IFIH1: variants seen among roughly 807,000 people sequenced by gnomAD.
IFIH1 encodes the protein interferon induced with helicase C domain 1, also known as interferon-induced helicase C domain-containing protein 1.
IFIH1 carries 125 observed loss-of-function variants against 107.4 expected under a neutral mutation model. The ratio of observed to expected loss-of-function variants is 1.16; its 90% CI spans 1.01 to 1.35. IFIH1 has a LOEUF of 1.35. IFIH1 is among the 40% of genes most tolerant of loss of function. IFIH1 has a pLI of 0.00. For synonymous variants in IFIH1, 458 were observed against 413.2 expected, an observed-to-expected ratio of 1.11 and a Z score of -1.31; for missense variants, 1,333 against 1,213.7, an observed-to-expected ratio of 1.10 and a Z score of -1.46.
chr2:162,274,107 T>A (rs1691103309), intron 11 of IFIH1, among the ~76,000 whole-genome samples, 163 bp from the exon 12 acceptor site: 1 of 152,334 alleles, frequency 6.6e-6, no homozygotes, highest in East Asian at 1.9e-4. Context: ...AAAGACATAA[T>A]GGTGAGACAA....
chr2:162,296,886 G>A (rs895693371), intron 3 of IFIH1, among the ~76,000 whole-genome samples: 7 of 152,032 alleles, frequency 4.6e-5, no homozygotes, highest in Non-Finnish European at 8.8e-5. Flanking sequence ...ATCCTGTAGA[G>A]ATTATTATGA....
rs1241546628 is a variant in IFIH1 at position 162,306,762 on chromosome 2, C to A, written c.716G>T (p.Gly239Val). 6.2e-7 allele frequency: 1 copy of A among 1,613,712 alleles called. No homozygotes were observed. Residue 239 changes from glycine to valine, a missense_variant, in exon 3 of 16, where the codon GGC (glycine) becomes GTC (valine). Transcript: ENST00000649979. ...VQPNLEKEVW[G>V]MENNSSESSF... The stretch of plus-strand genomic sequence containing the variant: ...TGATTCTGATGAGTTATTCTCCATG[C>A]CCCAGACCTCCTTCTCCAGATTTGG...
At chr2:162,317,804 T>C (rs1485202471) in intron 1 of IFIH1, 51 bp downstream of exon 1, 5 of 1,460,324 alleles carry the variant, frequency 3.4e-6, no homozygotes, top group Non-Finnish European at 2.8e-6. Flanking sequence ...CAAGGAAGCC[T>C]GCTTTGCAAA....
chr2:162,280,050 T>C lies in IFIH1; in HGVS notation c.1587A>G (p.Lys529=). The C allele has an allele frequency of 7.4e-6, 12 of 1,611,776 alleles. No individual in the cohort carries two copies. The highest frequency in any genetic ancestry group is 1.0e-5 in the Non-Finnish European group (12 of 1,178,366). Residue 529 remains lysine (K), a synonymous_variant, in exon 8 of 16, where the codon AAA becomes AAG. Transcript: ENST00000649979. Reference sequence around the variant, plus strand: ...TCTTGCATGGCTCCTGTATTTGGTTTTTCAGTTGATCAAGGTTTTCTTTAA... The same window carrying C: ...TCTTGCATGGCTCCTGTATTTGGTTCTTCAGTTGATCAAGGTTTTCTTTAA... ...KTVKENLDQL[K]NQIQEPCKKF...
At position 162,268,260 on chromosome 2, in the gene IFIH1, C is replaced by T. The variant is rs775415743; in HGVS notation, c.2634G>A (p.Met878Ile). The T allele has an allele frequency of 6.2e-7, 1 of 1,606,932 alleles. No individual in the cohort carries two copies. Among genetic ancestry groups the T allele is most frequent in the South Asian group, 1.1e-5 (1 of 90,110 alleles). Residue 878 changes from methionine to isoleucine, a missense_variant, in exon 14 of 16, where the codon ATG becomes ATA. Met to Ile is a conservative substitution (Grantham distance 10). Transcript: ENST00000649979. ...EYAHKILELQ[M>I]QSIMEKKMKT... Reference sequence around the variant, plus strand: ...TCATTTTCTTTTCCATTATACTTTGCATCTGTAATTCCAAAATCTGGACAG... The same window carrying T: ...TCATTTTCTTTTCCATTATACTTTGTATCTGTAATTCCAAAATCTGGACAG...
intron 5 of IFIH1, among the ~76,000 whole-genome samples, chr2:162,287,907 G>C (rs1682925014): frequency 6.6e-6 from 1 of 151,776 alleles, no homozygotes; most frequent in Non-Finnish European, 1.5e-5. Context: ...ATAAGTTATA[G>C]CTATTTGGTA....
At chr2:162,287,077 T>C (rs1682907881) in intron 5 of IFIH1, among the ~76,000 whole-genome samples, 1 of 151,886 alleles carries the variant, frequency 6.6e-6, no homozygotes, top group African/African-American at 2.4e-5. Flanking sequence ...TGTGTCACCA[T>C]TACCAGCAAA....
intron 5 of IFIH1, among the ~76,000 whole-genome samples, chr2:162,286,240 C>T (rs1185949078): frequency 6.6e-6 from 1 of 151,956 alleles, no homozygotes; most frequent in African/African-American, 2.4e-5. Context: ...ATGATGCTGC[C>T]TTGTCTATGT....
intron 1 of IFIH1, among the ~76,000 whole-genome samples, chr2:162,313,359 C>G (rs1376104404): frequency 6.6e-6 from 1 of 152,154 alleles, no homozygotes; most frequent in African/African-American, 2.4e-5. Flanking sequence ...CCATGCCCCT[C>G]CCCCACTCGA....
chr2:162,285,199 C>G (rs542688049), intron 5 of IFIH1, among the ~76,000 whole-genome samples: 1 of 152,080 alleles, frequency 6.6e-6, no homozygotes, highest in East Asian at 1.9e-4. Flanking sequence ...TGCATTGCAG[C>G]ATCTGAAGGA....
At chr2:162,301,162 A>G (rs934035991) in intron 3 of IFIH1, among the ~76,000 whole-genome samples, 1 of 152,180 alleles carries the variant, frequency 6.6e-6, no homozygotes, top group Non-Finnish European at 1.5e-5. Context: ...ATGAGAAAGA[A>G]GGTATTAAAG....
Position 162,317,818 on chromosome 2 carries a change from T to G in IFIH1, c.453+37A>C, listed in dbSNP as rs201916047. Reference sequence around the variant, plus strand: ...ACAAGGAAGCCTGCTTTGCAAAATCTGCCTAAAAGGCTAGCTCCATCTGAA... The same window carrying G: ...ACAAGGAAGCCTGCTTTGCAAAATCGGCCTAAAAGGCTAGCTCCATCTGAA... On this transcript the variant is annotated intron_variant, in intron 1 of 15. Transcript: ENST00000649979. 3.5e-3 allele frequency: 5,332 copies of G among 1,502,222 alleles called. 17 individuals are homozygous for G. The highest frequency in any genetic ancestry group is 6.3e-3 in the Middle Eastern group (35 of 5,594). 93.1% of individuals were successfully genotyped at this position (1,502,222 alleles called of 1,614,324 possible). A position where few individuals can be genotyped will look rare whatever the true frequency, so the allele number is the denominator to read the frequency against.
rs976931648 is a variant in IFIH1 at position 162,268,179 on chromosome 2, G to T, written c.2715C>A (p.Phe905Leu). Reference sequence around the variant, plus strand: ...CTAGCACACTGCAGTTTTTGCAAAGGAAAGTTATTAGTGATGGGTTATTCT... The same window carrying T: ...CTAGCACACTGCAGTTTTTGCAAAGTAAAGTTATTAGTGATGGGTTATTCT... Reference protein sequence around the residue: ...HYKNNPSLITFLCKNCSVLAC... With the variant: ...HYKNNPSLITLLCKNCSVLAC... Residue 905 changes from phenylalanine to leucine, a missense_variant, in exon 14 of 16, where the codon TTC (phenylalanine) becomes TTA (leucine). By Grantham distance (22) the Phe-to-Leu change is conservative. Transcript: ENST00000649979. The T allele has an allele frequency of 6.2e-7, 1 of 1,613,392 alleles. No individual in the cohort carries two copies. Among genetic ancestry groups the T allele is most frequent in the Non-Finnish European group, 8.5e-7 (1 of 1,179,424 alleles).
At chr2:162,286,559 T>A (rs1375654570) in intron 5 of IFIH1, among the ~76,000 whole-genome samples, 1 of 151,636 alleles carries the variant, frequency 6.6e-6, no homozygotes, top group Non-Finnish European at 1.5e-5. Context: ...AACTCCTAGG[T>A]GTGGGGGCTG....
In IFIH1 at chr2:162,288,275, C is replaced by T. The variant is rs1682931906; in HGVS notation, c.955G>A (p.Ala319Thr). The T allele has an allele frequency of 6.2e-7, 1 of 1,612,720 alleles. No homozygotes were observed. The highest frequency in any genetic ancestry group is 8.5e-7 in the Non-Finnish European group (1 of 1,179,266). ...ATGATGATATTCTTCCCTTCCAAGG[C>T]TGGCTGGGCAACTTCCATTTGGTAA... ...RPYQMEVAQP[A>T]LEGKNIIICL... Residue 319 changes from alanine (A) to threonine (T), a missense_variant, in exon 5 of 16, where the codon GCC becomes ACC. Ala to Thr is a moderately conservative substitution (Grantham distance 58). Coordinates refer to ENST00000649979, the MANE Select transcript of IFIH1 (RefSeq NM_022168.4).
intron 4 of IFIH1, among the ~76,000 whole-genome samples, chr2:162,290,147 G>C (rs1682971091): frequency 6.6e-6 from 1 of 151,698 alleles, no homozygotes; most frequent in Non-Finnish European, 1.5e-5. Context: ...TTAAAATATA[G>C]GAATAAATCC....
intron 4 of IFIH1, among the ~76,000 whole-genome samples, chr2:162,291,497 GA>G (rs11330317): frequency 0.13 from 19,158 of 143,756 alleles, 2,797 homozygotes; most frequent in African/African-American, 0.33. Context: ...ATGGGAAACA[GA>G]AAAAAAAAAG....
chr2:162,300,829 G>T (rs746397680), intron 3 of IFIH1, among the ~76,000 whole-genome samples: 8 of 151,990 alleles, frequency 5.3e-5, no homozygotes, highest in Non-Finnish European at 7.4e-5. Context: ...TATTTCTAGA[G>T]ATTCTAAAAA....
rs779518601 is a variant in IFIH1, at chr2:162,288,956, C to CACAG, written c.875-602_875-601insCTGT. ...ACACACACACACACACACACACACA[C>CACAG]AGACACCCTATCTATCTCAAGTTCC... On this transcript the variant is annotated intron_variant, in intron 4 of 15. Coordinates refer to ENST00000649979, the MANE Select transcript of IFIH1 (RefSeq NM_022168.4). Among the ~76,000 whole-genome samples the CACAG allele has an allele frequency of 9.9e-3, 1,486 of 150,074 alleles. 70 individuals are homozygous for CACAG. Among genetic ancestry groups the CACAG allele is most frequent in the Admixed American group, 0.073 (1,084 of 14,934 alleles).
Sources: gnomAD v4.1 joint callset for allele counts (sites outside exome capture counted in the v4.1 genomes callset) on GRCh38, gnomAD v4.1.1 for gene constraint, MANE v1.5 for transcripts, NCBI Gene and HGNC (gene_info 2026-07-23, HGNC 2026-07-21) for gene names.